The following MUC3A variants were observed in gnomAD, a reference collection of about 807,000 sequenced individuals.
MUC3A encodes the protein mucin 3A, cell surface associated, also known as mucin-3A.
In MUC3A, 109 loss-of-function variants were observed where a neutral mutation model predicts 109.0. That is an observed-to-expected ratio of 1.00 (90% CI 0.86 to 1.17). The LOEUF (loss-of-function observed/expected upper bound fraction) is 1.17. Ranked by LOEUF, MUC3A falls within the 50% of genes most tolerant of loss-of-function variation. The pLI, the probability that MUC3A is intolerant of heterozygous loss-of-function variation, is 0.00. For missense variants in MUC3A, 3,537 were observed against 2,469.4 expected, an observed-to-expected ratio of 1.43 and a Z score of -9.16; for synonymous variants, 1,398 against 981.4, an observed-to-expected ratio of 1.42 and a Z score of -7.93.
rs1203294711 is a variant in MUC3A at position 100,957,559 on chromosome 7, C to G, written c.5780C>G (p.Ser1927Ter). The change falls in exon 2 of 12, where the codon TCA (serine) becomes TGA (stop). Residue 1927 changes from serine to a stop codon, truncating the protein, a stop_gained. Transcript: ENST00000379458. LOFTEE classifies it high-confidence loss of function. ...CACAGTACTCCCAGATTCACTTCTT[C>G]AATCACCACTACCGAGACCCCCTCA... ...PSHSTPRFTSSITTTETPSHS... is the reference protein window; with the variant it reads ...PSHSTPRFTS 7.8e-7 allele frequency: 1 copy of G among 1,274,818 alleles called. No homozygotes were observed. Among genetic ancestry groups the G allele is most frequent in the Non-Finnish European group, 9.8e-7 (1 of 1,020,176 alleles). 79.0% of individuals were successfully genotyped at this position (1,274,818 alleles called of 1,614,324 possible).
In MUC3A at chr7:100,955,780, C is replaced by T; in HGVS notation, c.4001C>T (p.Pro1334Leu). Residue 1334 changes from proline (P) to leucine (L), a missense_variant, in exon 2 of 12, where the codon CCA becomes CTA. Transcript: ENST00000379458. ...ACCACCACCTCATTCACCACATCCCCAACGATGGAACCACCTTCAACCACT... is the reference window on the plus strand; with the variant it reads ...ACCACCACCTCATTCACCACATCCCTAACGATGGAACCACCTTCAACCACT... ...PTTTTSFTTS[P>L]TMEPPSTTVA... The T allele has an allele frequency of 2.6e-6, 1 of 387,254 alleles. No individual in the cohort carries two copies. Among genetic ancestry groups the T allele is most frequent in the Non-Finnish European group, 4.4e-6 (1 of 226,040 alleles). The allele number at this position is 387,254 out of a possible 1,614,324, so 24.0% of individuals were successfully genotyped here.
At position 100,960,871 on chromosome 7, in the gene MUC3A, A is replaced by G. The variant is rs1356244717; in HGVS notation, c.8986A>G (p.Lys2996Glu). The change falls in exon 3 of 12, where the codon AAA (lysine) becomes GAA (glutamate). Residue 2996 changes from lysine (K) to glutamate (E), a missense_variant. Physicochemically the swap from Lys to Glu is moderately conservative, Grantham distance 56. Coordinates refer to ENST00000379458, the MANE Select transcript of MUC3A (RefSeq NM_005960.2). Reference sequence around the variant, plus strand: ...GAATGGGGGTCAGTGGGATGGCCTCAAATGCCAGTGCCCCAGCACCTTCTA... The same window carrying G: ...GAATGGGGGTCAGTGGGATGGCCTCGAATGCCAGTGCCCCAGCACCTTCTA... ...CQNGGQWDGL[K>E]CQCPSTFYGS... is the part of the protein sequence containing the mutation. 19 of 1,598,542 alleles carry G rather than the reference A, an allele frequency of 1.2e-5. No individual in the cohort carries two copies. Among genetic ancestry groups the G allele is most frequent in the Non-Finnish European group, 1.6e-5 (19 of 1,179,820 alleles).
At position 100,967,169 on chromosome 7, in the gene MUC3A, C is replaced by T. The variant is rs767750373; in HGVS notation, c.*7C>T. ...GACCTCGTCCTCAGTGTGAGCCCTG[C>T]GGGGCCCCTTCACCACCCCCTCCGC... On this transcript the variant is annotated 3_prime_UTR_variant, in exon 12 of 12. Coordinates refer to ENST00000379458, the MANE Select transcript of MUC3A (RefSeq NM_005960.2). 6 of 1,598,540 alleles carry T rather than the reference C, an allele frequency of 3.8e-6. No individual in the cohort carries two copies. The highest frequency in any genetic ancestry group is 2.2e-5 in the South Asian group (2 of 91,092).
intron 11 of MUC3A, 42 bp downstream of exon 11, chr7:100,966,993 C>T (rs1446060745): frequency 2.5e-6 from 4 of 1,598,546 alleles, no homozygotes; most frequent in East Asian, 4.5e-5. Flanking sequence ...CTCTCCCAGC[C>T]TCCATTCCAG....
intron 10 of MUC3A, 75 bp from the exon 11 acceptor site, chr7:100,966,824 G>T (rs1032801471): frequency 2.8e-5 from 44 of 1,598,292 alleles, no homozygotes; most frequent in Admixed American, 8.3e-5. Context: ...TGCCTTCCTC[G>T]CATTTACTCC....
Position 100,957,717 on chromosome 7 carries a change from A to C in MUC3A, c.5938A>C (p.Thr1980Pro). Reference sequence around the variant, plus strand: ...TACTCCCAGCCTCACTTCTTCAATCACCACCACCAAGACCACCTCACACAG... The same window carrying C: ...TACTCCCAGCCTCACTTCTTCAATCCCCACCACCAAGACCACCTCACACAG... ...HNTPSLTSSI[T>P]TTKTTSHSTP... is the part of the protein sequence containing the mutation. The change falls in exon 2 of 12, where the codon ACC becomes CCC. Residue 1980 changes from threonine (T) to proline (P), a missense_variant. Transcript: ENST00000379458. 8.5e-7 allele frequency: 1 copy of C among 1,178,084 alleles called. No homozygotes were observed. The highest frequency in any genetic ancestry group is 2.8e-5 in the East Asian group (1 of 36,352). 73.0% of individuals were successfully genotyped at this position (1,178,084 alleles called of 1,614,324 possible).
chr7:100,965,994 C>T, intron 8 of MUC3A, 128 bp downstream of exon 8: 1 of 1,389,204 alleles, frequency 7.2e-7, no homozygotes, highest in Non-Finnish European at 9.5e-7. Flanking sequence ...CAGAGTGCCG[C>T]TCCAAGCCCA....
At position 100,959,706 on chromosome 7, in the gene MUC3A, C is replaced by T. The variant is rs1792248662; in HGVS notation, c.7927C>T (p.Pro2643Ser). The T allele has an allele frequency of 6.3e-7, 1 of 1,598,542 alleles. No homozygotes were observed. The highest frequency in any genetic ancestry group is 1.7e-5 in the Admixed American group (1 of 60,030). Residue 2643 changes from proline (P) to serine (S), a missense_variant, in exon 2 of 12, where the codon CCT (proline) becomes TCT (serine). By Grantham distance (74) the Pro-to-Ser change is moderately conservative (BLOSUM62 -1). Transcript: ENST00000379458. Reference protein sequence around the residue: ...STHSSTLQTTPSTPSLQTSLT... With the variant: ...STHSSTLQTTSSTPSLQTSLT... ...ACATTCCTCCACCCTTCAAACAACTCCTTCTACTCCCTCATTGCAAACTTC... is the reference window on the plus strand; with the variant it reads ...ACATTCCTCCACCCTTCAAACAACTTCTTCTACTCCCTCATTGCAAACTTC...
chr7:100,953,353 T>A lies in MUC3A; in HGVS notation c.1574T>A (p.Leu525His), dbSNP rs1417863214. 1 of 484,956 alleles carries A rather than the reference T, an allele frequency of 2.1e-6. No homozygotes were observed. Among genetic ancestry groups the A allele is most frequent in the Non-Finnish European group, 3.6e-6 (1 of 280,580 alleles). The allele number at this position is 484,956 out of a possible 1,614,324, so 30.0% of individuals were successfully genotyped here. The change falls in exon 2 of 12, where the codon CTC becomes CAC. Residue 525 changes from leucine to histidine, a missense_variant. By Grantham distance (99) the Leu-to-His change is moderately conservative. Transcript: ENST00000379458. ...VSTLSTPTSS[L>H]LTTFPATYSF... Reference sequence around the variant, plus strand: ...ACACTCAGCACTCCTACAAGTTCCCTCCTGACGACCTTCCCAGCAACATAT... The same window carrying A: ...ACACTCAGCACTCCTACAAGTTCCCACCTGACGACCTTCCCAGCAACATAT...
intron 3 of MUC3A, among the ~76,000 whole-genome samples, chr7:100,961,501 C>G (rs905544228): frequency 1.3e-5 from 2 of 152,310 alleles, no homozygotes; most frequent in African/African-American, 2.4e-5. Flanking sequence ...AACTTTGCCT[C>G]CTCCCCAAAT....
At chr7:100,966,800 A>G in intron 10 of MUC3A, 57 bp downstream of exon 10, 2 of 1,598,436 alleles carry the variant, frequency 1.3e-6, no homozygotes, top group Non-Finnish European at 1.7e-6. Context: ...CACTGCGAGG[A>G]CAGACGCCCT....
chr7:100,957,298 C>G lies in MUC3A; in HGVS notation c.5519C>G (p.Thr1840Ser). ...AGTTCTACACCTACATCTGAGACCA[C>G]CTACCCTACTTCTCTTACTAGTGCT... Reference protein sequence around the residue: ...DTSSTPTSETTYPTSLTSALT... With the variant: ...DTSSTPTSETSYPTSLTSALT... Residue 1840 changes from threonine (T) to serine (S), a missense_variant, in exon 2 of 12, where the codon ACC becomes AGC. Coordinates refer to ENST00000379458, the MANE Select transcript of MUC3A (RefSeq NM_005960.2). 1 of 562,182 alleles carries G rather than the reference C, an allele frequency of 1.8e-6. No homozygotes were observed. The highest frequency in any genetic ancestry group is 3.1e-6 in the Non-Finnish European group (1 of 321,318). 34.8% of individuals were successfully genotyped at this position (562,182 alleles called of 1,614,324 possible).
chr7:100,960,807 G>A lies in MUC3A; in HGVS notation c.8922G>A (p.Gly2974=), dbSNP rs767505436. The A allele has an allele frequency of 3.1e-6, 5 of 1,598,416 alleles. No individual in the cohort carries two copies. In the East Asian group the frequency reaches 8.9e-5, roughly 28 times the overall value. ...WEQGQCACLP[G]FSGDRCQLQT... The stretch of plus-strand genomic sequence containing the variant: ...AGGGCCAGTGTGCTTGCCTTCCGGG[G>A]TTTTCTGGGGACCGCTGTCAGCTCC... Residue 2974 remains glycine (G), a synonymous_variant, in exon 3 of 12, where the codon GGG becomes GGA. Coordinates refer to ENST00000379458, the MANE Select transcript of MUC3A (RefSeq NM_005960.2).
chr7:100,966,307 C>A (rs1481197682), intron 8 of MUC3A, 79 bp from the exon 9 acceptor site: 7 of 1,255,306 alleles, frequency 5.6e-6, no homozygotes, highest in South Asian at 7.5e-5. Context: ...GCCCCCTCAC[C>A]CGCCCCCGCG....
rs1167574651 is a variant in MUC3A at position 100,957,059 on chromosome 7, T to TC, written c.5286dup (p.Ile1763HisfsTer26). On this transcript the variant is annotated frameshift_variant, in exon 2 of 12. Coordinates refer to ENST00000379458, the MANE Select transcript of MUC3A (RefSeq NM_005960.2). LOFTEE classifies it high-confidence loss of function. Reference sequence around the variant, plus strand: ...CTTTCAAAACAGCCGTGAGTTCTACTCCCCCCATCACTTCTTCAATCACCT... The same window carrying TC: ...CTTTCAAAACAGCCGTGAGTTCTACTCCCCCCCATCACTTCTTCAATCACCT... 2.1e-6 allele frequency: 1 copy of TC among 466,424 alleles called. No homozygotes were observed. The highest frequency in any genetic ancestry group is 3.4e-5 in the Admixed American group (1 of 29,404). The allele number at this position is 466,424 out of a possible 1,614,324, so 28.9% of individuals were successfully genotyped here. A position where few individuals can be genotyped will look rare whatever the true frequency, so the allele number is the denominator to read the frequency against.
chr7:100,960,248 TA>T lies in MUC3A; in HGVS notation c.8470del (p.Thr2824LeufsTer11), dbSNP rs1489693665. On this transcript the variant is annotated frameshift_variant, in exon 2 of 12. Coordinates refer to ENST00000379458, the MANE Select transcript of MUC3A (RefSeq NM_005960.2). LOFTEE classifies it high-confidence loss of function. ...GTCCTACCTCCATCAGTATCCAAAC[TA>T]CTCTTACTACATATATGGACACTTC... ...TCPTSISIQT[T>X]LTTYMDTSSM... The T allele has an allele frequency of 6.3e-7, 1 of 1,598,498 alleles. No individual in the cohort carries two copies. The highest frequency in any genetic ancestry group is 8.5e-7 in the Non-Finnish European group (1 of 1,179,784).
chr7:100,958,702 C>A lies in MUC3A; in HGVS notation c.6923C>A (p.Thr2308Asn). The A allele has an allele frequency of 6.6e-7, 1 of 1,511,246 alleles. No individual in the cohort carries two copies. Among genetic ancestry groups the A allele is most frequent in the South Asian group, 1.2e-5 (1 of 86,234 alleles). 93.6% of individuals were successfully genotyped at this position (1,511,246 alleles called of 1,614,324 possible). The change falls in exon 2 of 12, where the codon ACT becomes AAT. Residue 2308 changes from threonine to asparagine, a missense_variant. Thr to Asn is a moderately conservative substitution (Grantham distance 65). Coordinates refer to ENST00000379458, the MANE Select transcript of MUC3A (RefSeq NM_005960.2). ...ACCTCACACAGTACTCCCAGCTTCACTTCTTCGATCACCACCACGGAGACC... is the reference window on the plus strand; with the variant it reads ...ACCTCACACAGTACTCCCAGCTTCAATTCTTCGATCACCACCACGGAGACC... ...KTTSHSTPSF[T>N]SSITTTETTS...
chr7:100,965,769 C>A lies in MUC3A; in HGVS notation c.9514C>A (p.Arg3172=). The A allele has an allele frequency of 1.3e-6, 2 of 1,597,904 alleles. No individual in the cohort carries two copies. Among genetic ancestry groups the A allele is most frequent in the African/African-American group, 1.3e-5 (1 of 75,070 alleles). Residue 3172 remains arginine, a synonymous_variant, in exon 8 of 12, where the codon CGG becomes AGG. Transcript: ENST00000379458. ...EFYFPLVEAT[R]LRCVTKCTSG... is the part of the protein sequence containing the mutation. ...CTACTTCCCCTTGGTGGAGGCCACC[C>A]GGCTCCGCTGTGTCACCAAATGCAC...
rs1792157929 is a variant in MUC3A at position 100,958,307 on chromosome 7, G to GTCACTTCTTTGATC, written c.6528_6529insTCACTTCTTTGATC (p.Thr2177SerfsTer4). 1 of 35,344 alleles carries GTCACTTCTTTGATC rather than the reference G, an allele frequency of 2.8e-5. No individual in the cohort carries two copies. Among genetic ancestry groups the GTCACTTCTTTGATC allele is most frequent in the Non-Finnish European group, 4.8e-5 (1 of 20,810 alleles). The allele number at this position is 35,344 out of a possible 1,614,324, so 2.2% of individuals were successfully genotyped here. ...CGGAGACCACCTCACACAGGTGGGG[G>GTCACTTCTTTGATC]ACCACCGAGACCACATCCTACAGTA... is the stretch of plus-strand genomic sequence containing the variant. On this transcript the variant is annotated stop_gained and frameshift_variant, in exon 2 of 12. Transcript: ENST00000379458. LOFTEE classifies it high-confidence loss of function.
Sources: gnomAD v4.1 joint callset for allele counts (sites outside exome capture counted in the v4.1 genomes callset) on GRCh38, gnomAD v4.1.1 for gene constraint, MANE v1.5 for transcripts, NCBI Gene and HGNC (gene_info 2026-07-23, HGNC 2026-07-21) for gene names.